Variants in FAT1 observed in about 807,000 individuals in gnomAD.
FAT1 encodes protocadherin Fat 1.
In FAT1, 171 loss-of-function variants were observed where a neutral mutation model predicts 329.8. The observed-to-expected ratio is 0.52, with a 90% CI of 0.46 to 0.59. FAT1 has a LOEUF of 0.59. FAT1 is among the 20% of genes least tolerant of loss of function. The pLI is 0.00. For synonymous variants in FAT1, 2,233 were observed against 2,228.6 expected (o/e 1.00, Z -0.06); for missense variants, 5,672 against 5,774.4 (o/e 0.98, Z 0.57).
At position 186,723,766 on chromosome 4, in the gene FAT1, TCG is replaced by T. The variant is rs1211989726; in HGVS notation, c.-123_-122del. 3 of 149,010 alleles carry T rather than the reference TCG, an allele frequency of 2.0e-5. No homozygotes were observed. The highest frequency in any genetic ancestry group is 1.3e-4 in the Admixed American group (2 of 15,112). 9.2% of individuals were successfully genotyped at this position (149,010 alleles called of 1,614,324 possible). On this transcript the variant is annotated 5_prime_UTR_variant, in exon 1 of 27. An upstream open reading frame in the 5' UTR loses its in-frame stop. Transcript: ENST00000441802. ...GGGCCTGCCGGGGCCCTCGCCGGGCTCGCGCGTCCGCATGGTACCTGCCGCAC... is the reference window on the plus strand; with the variant it reads ...GGGCCTGCCGGGGCCCTCGCCGGGCTCGCGTCCGCATGGTACCTGCCGCAC...
intron 2 of FAT1, among the ~76,000 whole-genome samples, chr4:186,698,601 T>C (rs925061442): frequency 6.6e-6 from 1 of 152,238 alleles, no homozygotes; most frequent in African/African-American, 2.4e-5. Context: ...GACCACTGTA[T>C]GCCCAAAGGC....
At chr4:186,676,157 A>G (rs1208228963) in intron 2 of FAT1, among the ~76,000 whole-genome samples, 1 of 152,194 alleles carries the variant, frequency 6.6e-6, no homozygotes, top group Non-Finnish European at 1.5e-5. Context: ...CATTTATTGT[A>G]TAAGTATCTT....
chr4:186,595,145 A>T (rs1738437857), intron 26 of FAT1, among the ~76,000 whole-genome samples: 1 of 152,182 alleles, frequency 6.6e-6, no homozygotes, highest in Admixed American at 6.5e-5. Context: ...ACTTACTAGC[A>T]ATCTCTTAAA....
At chr4:186,593,439 C>G (rs1034985287) in intron 26 of FAT1, among the ~76,000 whole-genome samples, 24 of 152,204 alleles carry the variant, frequency 1.6e-4, no homozygotes, top group Admixed American at 1.5e-3. Context: ...TAGTCCACGT[C>G]CTAATCCCAG....
intron 7 of FAT1, 57 bp from the exon 8 acceptor site, chr4:186,628,820 C>G: frequency 6.6e-7 from 1 of 1,516,304 alleles, no homozygotes; most frequent in Non-Finnish European, 8.9e-7. Flanking sequence ...TGTTTTAATA[C>G]TTAAAGAACC....
chr4:186,669,376 C>CTATA (rs781730497), intron 2 of FAT1, among the ~76,000 whole-genome samples: 1 of 152,194 alleles, frequency 6.6e-6, no homozygotes, highest in Non-Finnish European at 1.5e-5. Flanking sequence ...CTGCGTGATG[C>CTATA]TATGACGCAG....
At chr4:186,609,035 T>G (rs2126456046) in intron 16 of FAT1, 148 bp downstream of exon 16, 1 of 726,832 alleles carries the variant, frequency 1.4e-6, no homozygotes, top group South Asian at 2.0e-5. Flanking sequence ...CTTCATAGTG[T>G]CATTGCTTTT....
Position 186,596,259 on chromosome 4 carries a change from A to G in FAT1, c.13000+281T>C, listed in dbSNP as rs900641604. Reference sequence around the variant, plus strand: ...TTTTTTTGACATATTAATAAACTCAAAAAATTATAGATGAGAACCTTTATC... The same window carrying G: ...TTTTTTTGACATATTAATAAACTCAGAAAATTATAGATGAGAACCTTTATC... On this transcript the variant is annotated intron_variant, in intron 25 of 26. Transcript: ENST00000441802. This position sits in a 1 kb window ranked among gnomAD's most constrained non-coding sequence, Gnocchi z 4.7. Among the ~76,000 whole-genome samples the G allele has an allele frequency of 1.3e-5, 2 of 152,238 alleles. No individual in the cohort carries two copies. Among genetic ancestry groups the G allele is most frequent in the Admixed American group, 1.3e-4 (2 of 15,284 alleles).
At chr4:186,665,035 T>C (rs535581834) in intron 2 of FAT1, among the ~76,000 whole-genome samples, 1 of 152,334 alleles carries the variant, frequency 6.6e-6, no homozygotes, top group East Asian at 1.9e-4. Context: ...GATAATTATA[T>C]CTAATACTCC....
Position 186,706,921 on chromosome 4 carries a change from G to A in FAT1, c.2907C>T (p.His969=), listed in dbSNP as rs770894442. 38 of 1,613,840 alleles carry A rather than the reference G, an allele frequency of 2.4e-5. No homozygotes were observed. Among genetic ancestry groups the A allele is most frequent in the East Asian group, 1.3e-4 (6 of 44,886 alleles). ...SGQVRYSLLD[H]GEGNFDVDKL... Reference sequence around the variant, plus strand: ...TATCCACATCGAAGTTTCCTTCTCCGTGGTCCAGAAGGCTGTATCTCACCT... The same window carrying A: ...TATCCACATCGAAGTTTCCTTCTCCATGGTCCAGAAGGCTGTATCTCACCT... Residue 969 remains histidine (H), a synonymous_variant, in exon 2 of 27, where the codon CAC becomes CAT. Transcript: ENST00000441802.
chr4:186,597,173 T>G lies in FAT1; in HGVS notation c.12369-2A>C. ...CACTCGTCGATATCACTCTGACACCTGCCAAGGAAGTCAGGAATGAGGAGA... is the reference window on the plus strand; with the variant it reads ...CACTCGTCGATATCACTCTGACACCGGCCAAGGAAGTCAGGAATGAGGAGA... On this transcript the variant is annotated splice_acceptor_variant, in intron 24 of 26. Transcript: ENST00000441802. LOFTEE classifies it high-confidence loss of function. 1.3e-6 allele frequency: 2 copies of G among 1,596,682 alleles called. No homozygotes were observed. Among genetic ancestry groups the G allele is most frequent in the Non-Finnish European group, 1.7e-6 (2 of 1,171,188 alleles).
chr4:186,609,677 G>C, intron 15 of FAT1, 124 bp downstream of exon 15: 1 of 692,490 alleles, frequency 1.4e-6, no homozygotes, highest in South Asian at 1.8e-5. Context: ...CCTAACAAAA[G>C]ACACTTTCAA....
intron 1 of FAT1, among the ~76,000 whole-genome samples, chr4:186,711,408 C>CT (rs201919699): frequency 0.025 from 3,875 of 152,256 alleles, 175 homozygotes; most frequent in African/African-American, 0.088. Context: ...AAACAATTTT[C>CT]TCCCAAAACT....
At chr4:186,722,292 T>C (rs1323768150) in intron 1 of FAT1, among the ~76,000 whole-genome samples, 1 of 152,258 alleles carries the variant, frequency 6.6e-6, no homozygotes, top group Non-Finnish European at 1.5e-5. Flanking sequence ...ACAACCACAC[T>C]TCTTTCCAGA....
At chr4:186,608,990 T>C (rs1427703744) in intron 16 of FAT1, among the ~76,000 whole-genome samples, 193 bp downstream of exon 16, 1 of 152,222 alleles carries the variant, frequency 6.6e-6, no homozygotes, top group African/African-American at 2.4e-5. Context: ...ATCCAAACTT[T>C]ATCCTAGCAT....
chr4:186,689,475 T>C (rs941455472), intron 2 of FAT1, among the ~76,000 whole-genome samples: 3 of 152,196 alleles, frequency 2.0e-5, no homozygotes, highest in African/African-American at 7.2e-5. Flanking sequence ...TTAAATTAAC[T>C]TCTGGGCTGT....
At position 186,610,830 on chromosome 4, in the gene FAT1, T is replaced by C. The variant is rs1473964803; in HGVS notation, c.9853+556A>G. ...TTTAGGCCACAGGTTAGCAAGATGA[T>C]GAAGCATTCACGCAGCAGGAGTCAG... On this transcript the variant is annotated intron_variant, in intron 14 of 26. Transcript: ENST00000441802. Among the ~76,000 whole-genome samples the C allele has an allele frequency of 2.6e-5, 4 of 151,470 alleles. No individual in the cohort carries two copies. In the East Asian group the frequency reaches 7.7e-4, roughly 29 times the overall value.
chr4:186,619,295 A>T lies in FAT1; in HGVS notation c.7291T>A (p.Ser2431Thr), dbSNP rs2126504077. The T allele has an allele frequency of 6.2e-7, 1 of 1,614,044 alleles. No individual in the cohort carries two copies. Among genetic ancestry groups the T allele is most frequent in the Non-Finnish European group, 8.5e-7 (1 of 1,179,898 alleles). Residue 2431 changes from serine (S) to threonine (T), a missense_variant, in exon 10 of 27, where the codon TCT (serine) becomes ACT (threonine). Physicochemically the swap from Ser to Thr is moderately conservative, Grantham distance 58 (BLOSUM62 1). Around this residue, in one of 2 missense-constraint regions of FAT1, gnomAD observed 3,966 missense variants for 3,915.2 expected, o/e 1.01. Coordinates refer to ENST00000441802, the MANE Select transcript of FAT1 (RefSeq NM_005245.4). Reference sequence around the variant, plus strand: ...ACAAAATGTTTATGATCATTGCCAGACAGAATGGAATACTGCAACTTGTCT... The same window carrying T: ...ACAAAATGTTTATGATCATTGCCAGTCAGAATGGAATACTGCAACTTGTCT... ...DIDKLQYSIL[S>T]GNDHKHFVID...
chr4:186,725,585 C>A (rs1188746596), upstream of FAT1, among the ~76,000 whole-genome samples: 1 of 151,838 alleles, frequency 6.6e-6, no homozygotes, highest in Non-Finnish European at 1.5e-5. This position sits in a 1 kb window ranked among gnomAD's most constrained non-coding sequence, Gnocchi z 5.4. Context: ...CCGCCGAGAG[C>A]CAGGGATGGA....
Sources: gnomAD v4.1 joint callset for allele counts (sites outside exome capture counted in the v4.1 genomes callset) on GRCh38, gnomAD v4.1.1 for gene constraint, gnomAD v4.1.1 regional missense constraint, Gnocchi (gnomAD v3.1) non-coding constraint, MANE v1.5 for transcripts, NCBI Gene and HGNC (gene_info 2026-07-23, HGNC 2026-07-21) for gene names.